The following SOX5 variants were observed in gnomAD, a reference collection of about 807,000 sequenced individuals.
SOX5 encodes SRY-box transcription factor 5.
Under a neutral mutation model 92.0 loss-of-function variants are expected in SOX5, and 9 were observed. The observed-to-expected ratio is 0.10, with a 90% CI of 0.06 to 0.17. SOX5 has a LOEUF of 0.17. Among genes scored for constraint, SOX5 ranks in the 10% least tolerant of loss-of-function variants. The pLI is 1.00. For missense variants in SOX5, 642 were observed against 944.5 expected, an observed-to-expected ratio of 0.68 and a Z score of 4.20; for synonymous variants, 344 against 336.3, an observed-to-expected ratio of 1.02 and a Z score of -0.25.
chr12:24,309,028 G>C (rs2140764487), intron 2 of SOX5, among the ~76,000 whole-genome samples: 1 of 152,330 alleles, frequency 6.6e-6, no homozygotes, highest in Middle Eastern at 3.4e-3. Context: ...TTAATATCCA[G>C]AGACACTGAA....
At chr12:23,771,329 CA>C (rs1380415459) in intron 3 of SOX5, among the ~76,000 whole-genome samples, 7 of 152,210 alleles carry the variant, frequency 4.6e-5, no homozygotes, top group African/African-American at 1.7e-4. Context: ...GAGTACCAGC[CA>C]GCCTTTCACA....
intron 1 of SOX5, among the ~76,000 whole-genome samples, chr12:24,485,694 T>G (rs904558347): frequency 2.0e-5 from 3 of 152,186 alleles, no homozygotes; most frequent in African/African-American, 7.2e-5. Context: ...ATTACTATTA[T>G]GTACTTTTCC....
intron 2 of SOX5, among the ~76,000 whole-genome samples, chr12:23,894,879 C>A (rs1195831814): frequency 6.6e-6 from 1 of 152,046 alleles, no homozygotes; most frequent in Non-Finnish European, 1.5e-5. Context: ...AAATTAACAA[C>A]ACTAACATCC....
At chr12:23,750,036 C>T (rs1367369266) in intron 4 of SOX5, among the ~76,000 whole-genome samples, 12 of 151,670 alleles carry the variant, frequency 7.9e-5, no homozygotes, top group Non-Finnish European at 1.2e-4. Flanking sequence ...AGTTCTTCAT[C>T]CAGGTTTGGT....
chr12:24,528,836 G>A (rs1013301293), intron 1 of SOX5, among the ~76,000 whole-genome samples: 1 of 152,288 alleles, frequency 6.6e-6, no homozygotes, highest in East Asian at 1.9e-4. Context: ...TTAAAGAAAA[G>A]TCTGCAAAAC....
At chr12:23,758,219 G>A (rs1487788333) in intron 3 of SOX5, among the ~76,000 whole-genome samples, 2 of 151,740 alleles carry the variant, frequency 1.3e-5, no homozygotes, top group African/African-American at 4.8e-5. Flanking sequence ...TATGCTAGAG[G>A]TTTTTATCTG....
intron 4 of SOX5, among the ~76,000 whole-genome samples, chr12:23,741,597 A>C (rs1227747526): frequency 6.6e-6 from 1 of 152,166 alleles, no homozygotes; most frequent in Admixed American, 6.6e-5. Flanking sequence ...AAAAAAGTTG[A>C]AGATTCAGAA....
intron 1 of SOX5, among the ~76,000 whole-genome samples, chr12:23,901,390 C>CT (rs1239777507): frequency 6.6e-6 from 1 of 152,126 alleles, no homozygotes; most frequent in African/African-American, 2.4e-5. Flanking sequence ...TTTTAAGCCA[C>CT]TATATTTGTG....
intron 11 of SOX5, among the ~76,000 whole-genome samples, chr12:23,561,088 T>C (rs4559766): frequency 0.071 from 10,770 of 152,234 alleles, 540 homozygotes; most frequent in South Asian, 0.11. Context: ...GATGAAGAGA[T>C]TCAGGAATGA....
At chr12:23,796,868 A>AATTTATATATAAATATATATAAAT (rs2095570391) in intron 3 of SOX5, among the ~76,000 whole-genome samples, 7 of 143,662 alleles carry the variant, frequency 4.9e-5, no homozygotes, top group Non-Finnish European at 9.0e-5. Context: ...TATATTTATA[A>AATTTATATATAAATATATATAAAT]ATTTATATAT....
chr12:23,653,033 T>TGGATGGATGGATGGACGGAC (rs1555230912), intron 7 of SOX5, among the ~76,000 whole-genome samples: 5 of 88,332 alleles, frequency 5.7e-5, no homozygotes, highest in African/African-American at 2.0e-4. Context: ...TACAGATAGA[T>TGGATGGATGGATGGACGGAC]GGATGGATGG....
chr12:23,838,332 C>T (rs1274524673), intron 3 of SOX5, among the ~76,000 whole-genome samples: 1 of 151,058 alleles, frequency 6.6e-6, no homozygotes, highest in Non-Finnish European at 1.5e-5. Context: ...TACTCAAATA[C>T]ATAAATTACT....
intron 6 of SOX5, among the ~76,000 whole-genome samples, chr12:23,681,423 G>C (rs1360626461): frequency 6.6e-6 from 1 of 151,846 alleles, no homozygotes; most frequent in Non-Finnish European, 1.5e-5. Context: ...ATAAATATAA[G>C]TGGAGTAAGC....
At chr12:23,547,901 TGAGA>T (rs897032025) in intron 11 of SOX5, among the ~76,000 whole-genome samples, 1 of 152,106 alleles carries the variant, frequency 6.6e-6, no homozygotes, top group African/African-American at 2.4e-5. Context: ...TGTCTTTTGC[TGAGA>T]GAGTCGGCTG....
chr12:24,443,576 G>A (rs1295258793), intron 1 of SOX5, among the ~76,000 whole-genome samples: 1 of 152,200 alleles, frequency 6.6e-6, no homozygotes, highest in East Asian at 1.9e-4. Flanking sequence ...ACAGTCAAGT[G>A]TCTATTTGTT....
Position 23,845,968 on chromosome 12 carries a change from T to C in SOX5, c.481+15A>G, listed in dbSNP as rs763982625. Reference sequence around the variant, plus strand: ...AGGACACAGCATCAACTTTGTTTTCTCTTCCAGCCTTTACCTTCCGGCTCG... The same window carrying C: ...AGGACACAGCATCAACTTTGTTTTCCCTTCCAGCCTTTACCTTCCGGCTCG... On this transcript the variant is annotated intron_variant, in intron 3 of 14. Coordinates refer to ENST00000451604, the MANE Select transcript of SOX5 (RefSeq NM_006940.6). The C allele has an allele frequency of 2.5e-6, 4 of 1,605,638 alleles. No individual in the cohort carries two copies. Among genetic ancestry groups the C allele is most frequent in the Admixed American group, 3.3e-5 (2 of 59,974 alleles).
At chr12:24,076,448 T>C (rs1276280873) in intron 4 of SOX5, among the ~76,000 whole-genome samples, 2 of 152,144 alleles carry the variant, frequency 1.3e-5, no homozygotes, top group Non-Finnish European at 2.9e-5. Flanking sequence ...AGAATGATAA[T>C]ACCATCTGTT....
At chr12:24,054,938 A>AACTG (rs1478751863) in intron 4 of SOX5, among the ~76,000 whole-genome samples, 4 of 152,160 alleles carry the variant, frequency 2.6e-5, no homozygotes, top group Non-Finnish European at 5.9e-5. Flanking sequence ...GGCGCGTGGA[A>AACTG]ACTGAGCAAA....
At chr12:24,176,859 T>C (rs1162906405) in intron 4 of SOX5, among the ~76,000 whole-genome samples, 1 of 151,920 alleles carries the variant, frequency 6.6e-6, no homozygotes, top group African/African-American at 2.4e-5. Context: ...CTTCAGGTTA[T>C]AGACAAACAG....
Sources: gnomAD v4.1 joint callset for allele counts (sites outside exome capture counted in the v4.1 genomes callset) on GRCh38, gnomAD v4.1.1 for gene constraint, MANE v1.5 for transcripts, NCBI Gene and HGNC (gene_info 2026-07-23, HGNC 2026-07-21) for gene names.